RICTOR: variants seen among roughly 807,000 people sequenced by gnomAD.
RICTOR encodes the protein rapamycin-insensitive companion of mTOR.
A neutral mutation model predicts 214.9 loss-of-function variants in RICTOR; 49 were observed. That is an observed-to-expected ratio of 0.23 (90% CI 0.18 to 0.29). The LOEUF (loss-of-function observed/expected upper bound fraction) is 0.29, where lower values mean the gene tolerates loss of function less well. RICTOR is among the 10% of genes least tolerant of loss of function. The pLI, the probability that RICTOR is intolerant of heterozygous loss-of-function variation, is 1.00. For synonymous variants in RICTOR, 717 were observed against 711.3 expected, an observed-to-expected ratio of 1.01 and a Z score of -0.13; for missense variants, 1,625 against 2,047.0, an observed-to-expected ratio of 0.79 and a Z score of 3.98.
chr5:38,952,487 CACAGATTAATTT>C lies in RICTOR; in HGVS notation c.2898-74_2898-63del, dbSNP rs1475484028. ...CCAAGCTGAGATTTCTTAAAGCCAC[CACAGATTAATTT>C]GCTATACATACTTTGAACTTTCTCT... On this transcript the variant is annotated intron_variant, in intron 29 of 37. Coordinates refer to ENST00000357387, the MANE Select transcript of RICTOR (RefSeq NM_152756.5). 1.7e-5 allele frequency: 19 copies of C among 1,140,418 alleles called. No individual in the cohort carries two copies. The Admixed American group carries it at 3.2e-4, about 19-fold the overall frequency. 70.6% of individuals were successfully genotyped at this position (1,140,418 alleles called of 1,614,324 possible).
chr5:39,071,060 G>GCACTAACA (rs1759286535), intron 2 of RICTOR, among the ~76,000 whole-genome samples: 2 of 152,120 alleles, frequency 1.3e-5, no homozygotes, highest in Admixed American at 1.3e-4. Context: ...ATGAACCACA[G>GCACTAACA]CACTAACACA....
In RICTOR at chr5:38,950,520, G is replaced by A. The variant is rs748585755; in HGVS notation, c.3328C>T (p.Arg1110Cys). The A allele has an allele frequency of 5.0e-6, 8 of 1,613,002 alleles. No individual in the cohort carries two copies. Among genetic ancestry groups the A allele is most frequent in the South Asian group, 2.2e-5 (2 of 91,014 alleles). Residue 1110 changes from arginine (R) to cysteine (C), a missense_variant, in exon 31 of 38, where the codon CGT (arginine) becomes TGT (cysteine). Physicochemically the swap from Arg to Cys is radical, Grantham distance 180 (BLOSUM62 -3). Coordinates refer to ENST00000357387, the MANE Select transcript of RICTOR (RefSeq NM_152756.5). The stretch of plus-strand genomic sequence containing the variant: ...CCTCCTTTTGGATCACTGCTACTAC[G>A]ATGTTTTTTGTTAGGCAAAGTAAGC... ...NSLTLPNKKH[R>C]SSSDPKGGKL...
At chr5:38,950,805 T>C in intron 30 of RICTOR, 85 bp from the exon 31 acceptor site, 1 of 1,214,796 alleles carries the variant, frequency 8.2e-7, no homozygotes, top group Non-Finnish European at 1.1e-6. Flanking sequence ...TTCAGGAAAT[T>C]TTTTTTTAGT....
chr5:39,061,494 A>C lies in RICTOR; in HGVS notation c.97+12617T>G, dbSNP rs183846619. On this transcript the variant is annotated intron_variant, in intron 2 of 37. Transcript: ENST00000357387. ...CTAATTTCTAAAGTAGCTTCCAAAT[A>C]TTCTTAGAAACAAACATTAGATTCA... is the stretch of plus-strand genomic sequence containing the variant. Among the ~76,000 whole-genome samples the C allele has an allele frequency of 3.3e-5, 5 of 152,186 alleles. No individual in the cohort carries two copies. The East Asian group carries it at 9.6e-4, about 29-fold the overall frequency.
chr5:38,940,374 G>A lies in RICTOR; in HGVS notation c.*1930C>T. The A allele has an allele frequency of 4.3e-6, 1 of 231,690 alleles. No individual in the cohort carries two copies. The highest frequency in any genetic ancestry group is 8.6e-6 in the Non-Finnish European group (1 of 116,860). 14.4% of individuals were successfully genotyped at this position (231,690 alleles called of 1,614,324 possible). On this transcript the variant is annotated 3_prime_UTR_variant, in exon 38 of 38. Coordinates refer to ENST00000357387, the MANE Select transcript of RICTOR (RefSeq NM_152756.5). ...GTCTAAAATATGTTAATCCCATTAT[G>A]AATAAGATTACATTACTTCCTTTGG...
At chr5:38,994,109 G>C (rs1158418118) in intron 6 of RICTOR, among the ~76,000 whole-genome samples, 1 of 152,004 alleles carries the variant, frequency 6.6e-6, no homozygotes, top group Non-Finnish European at 1.5e-5. Context: ...AGAATGGCTT[G>C]AACCCGGGAG....
chr5:39,033,509 G>T (rs750724680), intron 2 of RICTOR, among the ~76,000 whole-genome samples: 2 of 152,056 alleles, frequency 1.3e-5, no homozygotes, highest in Non-Finnish European at 2.9e-5. Context: ...TGATCCACCC[G>T]TCTTGGCCTC....
intron 2 of RICTOR, among the ~76,000 whole-genome samples, chr5:39,054,441 T>A (rs770738644): frequency 3.3e-5 from 5 of 152,206 alleles, no homozygotes; most frequent in African/African-American, 4.8e-5. Flanking sequence ...TTAAAGAGAA[T>A]AAAGTTAACA....
chr5:39,071,242 C>T (rs937653082), intron 2 of RICTOR, among the ~76,000 whole-genome samples: 3 of 152,140 alleles, frequency 2.0e-5, no homozygotes, highest in Admixed American at 6.5e-5. Context: ...TACTGCACTT[C>T]GCTTAGACTT....
intron 25 of RICTOR, among the ~76,000 whole-genome samples, chr5:38,956,975 CAGG>C (rs1749315295): frequency 6.6e-6 from 1 of 151,948 alleles, no homozygotes; most frequent in Admixed American, 6.6e-5. Context: ...AAAGAGAAAA[CAGG>C]ATAACTGATC....
intron 2 of RICTOR, among the ~76,000 whole-genome samples, chr5:39,034,725 A>G (rs960696330): frequency 6.6e-6 from 1 of 151,942 alleles, no homozygotes; most frequent in Non-Finnish European, 1.5e-5. Context: ...TTGCTAGCAC[A>G]GCAGTCTGAG....
At chr5:39,037,430 A>T (rs1208257205) in intron 2 of RICTOR, among the ~76,000 whole-genome samples, 2 of 152,098 alleles carry the variant, frequency 1.3e-5, no homozygotes, top group Non-Finnish European at 2.9e-5. Flanking sequence ...GAGCAAACAC[A>T]TTCAAAAGCT....
chr5:38,984,918 C>A (rs571310119), intron 7 of RICTOR, among the ~76,000 whole-genome samples: 102 of 152,254 alleles, frequency 6.7e-4, no homozygotes, highest in Non-Finnish European at 1.2e-3. Context: ...CTCCCGGGTT[C>A]AAGCGATTCT....
chr5:38,994,019 AAAAAT>A (rs931302637), intron 6 of RICTOR, among the ~76,000 whole-genome samples: 114 of 152,170 alleles, frequency 7.5e-4, no homozygotes, highest in African/African-American at 2.6e-3. Flanking sequence ...CGTCTCTACT[AAAAAT>A]AAAATAAAAT....
intron 2 of RICTOR, among the ~76,000 whole-genome samples, chr5:39,039,926 A>C (rs1447492416): frequency 6.6e-6 from 1 of 152,014 alleles, no homozygotes; most frequent in Non-Finnish European, 1.5e-5. Context: ...TCAGGGATCT[A>C]GAACTAGAAA....
At chr5:38,963,170 A>T (rs765084681) in intron 16 of RICTOR, 129 bp from the exon 17 acceptor site, 5 of 619,184 alleles carry the variant, frequency 8.1e-6, no homozygotes, top group Non-Finnish European at 1.0e-5. Flanking sequence ...AAATTATTTC[A>T]TCAAATTTGG....
intron 2 of RICTOR, among the ~76,000 whole-genome samples, chr5:39,058,372 G>C (rs1435731145): frequency 6.6e-6 from 1 of 151,810 alleles, no homozygotes; most frequent in Admixed American, 6.6e-5. Flanking sequence ...CAAAAACAAG[G>C]CAGAAAGAGA....
chr5:38,986,843 A>C (rs189754230), intron 7 of RICTOR, among the ~76,000 whole-genome samples: 125 of 152,300 alleles, frequency 8.2e-4, no homozygotes, highest in African/African-American at 2.6e-3. Context: ...ATTCAGTATG[A>C]TATTGGCTGT....
intron 3 of RICTOR, among the ~76,000 whole-genome samples, chr5:39,017,526 G>GT (rs1338274863): frequency 6.6e-6 from 1 of 151,002 alleles, no homozygotes; most frequent in African/African-American, 2.4e-5. Flanking sequence ...CCTAGTCAAT[G>GT]TTTTTAAAAG....
Sources: gnomAD v4.1 joint callset for allele counts (sites outside exome capture counted in the v4.1 genomes callset) on GRCh38, gnomAD v4.1.1 for gene constraint, MANE v1.5 for transcripts, NCBI Gene and HGNC (gene_info 2026-07-23, HGNC 2026-07-21) for gene names.